Variants in ADGRB3 observed in about 807,000 individuals in gnomAD.
The protein encoded by ADGRB3 is brain-specific angiogenesis inhibitor 3.
A neutral mutation model predicts 193.4 loss-of-function variants in ADGRB3; 37 were observed. The observed-to-expected ratio is 0.19, with a 90% CI of 0.15 to 0.25. The LOEUF is 0.25. Ranked by LOEUF, ADGRB3 falls within the 10% of genes least tolerant of loss-of-function variation. The pLI, the probability that ADGRB3 is intolerant of heterozygous loss-of-function variation, is 1.00. For missense variants in ADGRB3, 1,637 were observed against 1,852.9 expected, an observed-to-expected ratio of 0.88 and a Z score of 2.14; for synonymous variants, 690 against 644.2, an observed-to-expected ratio of 1.07 and a Z score of -1.08.
At chr6:68,728,625 A>G (rs181442035) in intron 3 of ADGRB3, among the ~76,000 whole-genome samples, 1 of 151,702 alleles carries the variant, frequency 6.6e-6, no homozygotes, top group Non-Finnish European at 1.5e-5. Context: ...AGATATATAT[A>G]CAGATGTAGA....
Position 68,852,930 on chromosome 6 carries a change from AGGAAT to A in ADGRB3, c.758-77624_758-77620del, listed in dbSNP as rs1423635318. Among the ~76,000 whole-genome samples the A allele has an allele frequency of 9.2e-5, 14 of 152,180 alleles. No homozygotes were observed. In the East Asian group the frequency reaches 2.1e-3, roughly 23 times the overall value. ...TTTAGACTCAATAGACTAAAATGCC[AGGAAT>A]GGAAACAATGTCACCTTTGTGACTA... is the stretch of plus-strand genomic sequence containing the variant. On this transcript the variant is annotated intron_variant, in intron 3 of 31. Coordinates refer to ENST00000370598, the MANE Select transcript of ADGRB3 (RefSeq NM_001704.3).
intron 3 of ADGRB3, among the ~76,000 whole-genome samples, chr6:68,652,088 C>A (rs1768379601): frequency 6.6e-6 from 1 of 152,026 alleles, no homozygotes; most frequent in South Asian, 2.1e-4. Flanking sequence ...ATTGAGTTTG[C>A]CTGAGTCTAA....
intron 11 of ADGRB3, among the ~76,000 whole-genome samples, chr6:69,011,135 ATGTGTG>A (rs66675226): frequency 0.1 from 15,194 of 144,936 alleles, 1,383 homozygotes; most frequent in East Asian, 0.5. Flanking sequence ...ATACATATAT[ATGTGTG>A]TGTGTGTGTG....
At position 69,361,490 on chromosome 6, in the gene ADGRB3, C is replaced by T. The variant is rs368886155; in HGVS notation, c.4217C>T (p.Thr1406Met). Reference protein sequence around the residue: ...AGLSRSETGSTISMSSLERRK... With the variant: ...AGLSRSETGSMISMSSLERRK... ...CTATCAAGAAGTGAAACTGGATCAACGATATCAATGAGTTCTTTAGAGGTG... is the reference window on the plus strand; with the variant it reads ...CTATCAAGAAGTGAAACTGGATCAATGATATCAATGAGTTCTTTAGAGGTG... The change falls in exon 29 of 32, where the codon ACG (threonine) becomes ATG (methionine). Residue 1406 changes from threonine (T) to methionine (M), a missense_variant. By Grantham distance (81) the Thr-to-Met change is moderately conservative (BLOSUM62 -1). This residue lies in a region of ADGRB3 where 368 missense variants were observed against 367.4 expected (regional missense o/e 1.00). Transcript: ENST00000370598. 142 of 1,611,916 alleles carry T rather than the reference C, an allele frequency of 8.8e-5. 1 individual carries two copies. The highest frequency in any genetic ancestry group is 1.6e-4 in the Middle Eastern group (1 of 6,070).
At chr6:69,089,064 A>T (rs1262569924) in intron 17 of ADGRB3, among the ~76,000 whole-genome samples, 2 of 152,252 alleles carry the variant, frequency 1.3e-5, no homozygotes, top group Admixed American at 1.3e-4. Flanking sequence ...ATTTAAGAAG[A>T]CAAAGGGTTA....
At chr6:68,962,147 A>G (rs3798971) in intron 8 of ADGRB3, among the ~76,000 whole-genome samples, 42,967 of 152,048 alleles carry the variant, frequency 0.28, 6,764 homozygotes, top group East Asian at 0.54. Flanking sequence ...GTCACTTCAG[A>G]TAAATAGTAA....
chr6:69,288,204 C>A (rs1362196295), intron 20 of ADGRB3, among the ~76,000 whole-genome samples: 1 of 152,150 alleles, frequency 6.6e-6, no homozygotes, highest in Non-Finnish European at 1.5e-5. Context: ...CTTAGCCCTC[C>A]ACCCGCTAAC....
At chr6:68,816,756 A>G (rs1767637844) in intron 3 of ADGRB3, among the ~76,000 whole-genome samples, 1 of 152,112 alleles carries the variant, frequency 6.6e-6, no homozygotes, top group African/African-American at 2.4e-5. Flanking sequence ...AAGAAAAAAA[A>G]TAAGAAACAA....
At chr6:69,086,617 G>T (rs1050348570) in intron 17 of ADGRB3, among the ~76,000 whole-genome samples, 1 of 152,000 alleles carries the variant, frequency 6.6e-6, no homozygotes, top group Non-Finnish European at 1.5e-5. Context: ...ATTTTTTTTG[G>T]TTTGGTTGGG....
At chr6:69,237,145 C>A (rs1445479808) in intron 19 of ADGRB3, among the ~76,000 whole-genome samples, 1 of 151,896 alleles carries the variant, frequency 6.6e-6, no homozygotes, top group Non-Finnish European at 1.5e-5. Context: ...GAAGTATTAT[C>A]CTTGCTTACT....
chr6:69,335,378 T>G (rs1012652607), intron 24 of ADGRB3, among the ~76,000 whole-genome samples: 1 of 152,022 alleles, frequency 6.6e-6, no homozygotes, highest in Non-Finnish European at 1.5e-5. Context: ...CAAAACTGAG[T>G]GGGTGTTTTT....
intron 3 of ADGRB3, among the ~76,000 whole-genome samples, chr6:68,659,572 A>G (rs1768575729): frequency 6.6e-6 from 1 of 151,014 alleles, no homozygotes. Flanking sequence ...TAACTATTAC[A>G]TTTATATTAC....
Position 68,967,037 on chromosome 6 carries a change from G to A in ADGRB3, c.1526-7726G>A, listed in dbSNP as rs562441018. On this transcript the variant is annotated intron_variant, in intron 8 of 31. Transcript: ENST00000370598. ...CACCTTTGATAAAATAGTTAAAGCA[G>A]CTGTACCGTTTGACATTACTACTAA... is the stretch of plus-strand genomic sequence containing the variant. Among the ~76,000 whole-genome samples the A allele has an allele frequency of 6.6e-5, 10 of 152,312 alleles. No individual in the cohort carries two copies. In the South Asian group the frequency reaches 1.2e-3, roughly 19 times the overall value.
intron 3 of ADGRB3, among the ~76,000 whole-genome samples, chr6:68,645,285 G>A (rs1283401226): frequency 1.3e-5 from 2 of 151,872 alleles, no homozygotes; most frequent in African/African-American, 4.8e-5. Context: ...CTTCTTTTCA[G>A]AGTAGGCTAG....
At chr6:68,975,950 T>C (rs2150266096) in intron 10 of ADGRB3, among the ~76,000 whole-genome samples, 1 of 152,324 alleles carries the variant, frequency 6.6e-6, no homozygotes, top group African/African-American at 2.4e-5. Context: ...TTTTGCTTGG[T>C]ATTTTACAAG....
intron 4 of ADGRB3, among the ~76,000 whole-genome samples, chr6:68,934,704 A>G (rs1582327543): frequency 6.6e-6 from 1 of 152,306 alleles, no homozygotes; most frequent in Non-Finnish European, 1.5e-5. Context: ...CTAAATTTAC[A>G]TGCACATATA....
At chr6:68,821,561 C>A (rs551884134) in intron 3 of ADGRB3, among the ~76,000 whole-genome samples, 2 of 151,764 alleles carry the variant, frequency 1.3e-5, no homozygotes, top group South Asian at 4.2e-4. Context: ...TCCTTAATGG[C>A]CTCACTTGTT....
At chr6:68,839,558 A>G (rs934203106) in intron 3 of ADGRB3, among the ~76,000 whole-genome samples, 1 of 152,104 alleles carries the variant, frequency 6.6e-6, no homozygotes, top group African/African-American at 2.4e-5. Flanking sequence ...CCAAACTCCT[A>G]TTGGCCATGT....
chr6:69,297,693 G>T (rs1444563313), intron 20 of ADGRB3, among the ~76,000 whole-genome samples: 2 of 151,880 alleles, frequency 1.3e-5, no homozygotes, highest in East Asian at 3.9e-4. Context: ...TAATTTGCAA[G>T]GTTTTTTTAA....
Sources: gnomAD v4.1 joint callset for allele counts (sites outside exome capture counted in the v4.1 genomes callset) on GRCh38, gnomAD v4.1.1 for gene constraint, gnomAD v4.1.1 regional missense constraint, MANE v1.5 for transcripts, NCBI Gene and HGNC (gene_info 2026-07-23, HGNC 2026-07-21) for gene names.